SRPK2: variants seen among roughly 807,000 people sequenced by gnomAD.
The protein encoded by SRPK2 is SRSF protein kinase 2.
SRPK2 carries 21 observed loss-of-function variants against 90.8 expected under a neutral mutation model. The ratio of observed to expected loss-of-function variants is 0.23; its 90% CI spans 0.16 to 0.33. SRPK2 has a LOEUF of 0.33. Ranked by LOEUF, SRPK2 falls within the 10% of genes least tolerant of loss-of-function variation. The pLI, the probability that SRPK2 is intolerant of heterozygous loss-of-function variation, is 1.00. For missense variants in SRPK2, 620 were observed against 869.0 expected, an observed-to-expected ratio of 0.71 and a Z score of 3.60; for synonymous variants, 288 against 311.1, an observed-to-expected ratio of 0.93 and a Z score of 0.78.
chr7:105,258,487 G>C (rs1243357907), intron 2 of SRPK2, among the ~76,000 whole-genome samples: 2 of 151,372 alleles, frequency 1.3e-5, no homozygotes, highest in Admixed American at 1.3e-4. Flanking sequence ...AAACACCAAG[G>C]TGATACACAA....
At chr7:105,116,258 A>C (rs1799617305), downstream of SRPK2, 1 of 152,200 alleles carries the variant, frequency 6.6e-6, no homozygotes, top group Non-Finnish European at 1.5e-5. Context: ...GCCTCAATGC[A>C]TGTTCTACAA....
At chr7:105,207,104 G>A (rs1042169970) in intron 2 of SRPK2, among the ~76,000 whole-genome samples, 5 of 152,218 alleles carry the variant, frequency 3.3e-5, no homozygotes, top group African/African-American at 1.2e-4. Flanking sequence ...AAATAGAGAA[G>A]AGAAAGCCAA....
chr7:105,122,937 T>G (rs1370983646), intron 15 of SRPK2, among the ~76,000 whole-genome samples: 4 of 152,042 alleles, frequency 2.6e-5, no homozygotes, highest in Non-Finnish European at 5.9e-5. Flanking sequence ...ACGCAGCAAT[T>G]TTTACTAAAA....
rs118122915 is a variant in SRPK2 at position 105,354,584 on chromosome 7, C to T, written c.71+34064G>A. On this transcript the variant is annotated intron_variant, in intron 2 of 15. Transcript: ENST00000393651. ...ATGCATAGCAATGCAAGAGATCACA[C>T]CCTGTTTTATGCAACAGTTGGGTAC... Among the ~76,000 whole-genome samples the T allele has an allele frequency of 4.7e-3, 714 of 152,314 alleles. 11 individuals are homozygous for T. In the East Asian group the frequency reaches 0.055, roughly 12 times the overall value.
rs529088791 is a variant in SRPK2 at position 105,371,813 on chromosome 7, T to C, written c.71+16835A>G. 3.3e-5 allele frequency among the ~76,000 whole-genome samples: 5 copies of C among 152,132 alleles called. No homozygotes were observed. In the East Asian group the frequency reaches 9.7e-4, roughly 29 times the overall value. ...ACCATCTCCACAGCTTTGCTGTAAA[T>C]TTACAGTTCTAAAAACATAATTAAA... On this transcript the variant is annotated intron_variant, in intron 2 of 15. Transcript: ENST00000393651.
intron 2 of SRPK2, among the ~76,000 whole-genome samples, chr7:105,336,157 A>G (rs1691143431): frequency 6.6e-6 from 1 of 152,200 alleles, no homozygotes; most frequent in Non-Finnish European, 1.5e-5. Context: ...CCTACTGGTT[A>G]AATTCATATT....
At chr7:105,387,742 A>G (rs537008509) in intron 2 of SRPK2, among the ~76,000 whole-genome samples, 9 of 152,346 alleles carry the variant, frequency 5.9e-5, no homozygotes, top group African/African-American at 2.2e-4. Context: ...CAATTAATCT[A>G]GAGGAAGAGA....
Position 105,170,835 on chromosome 7 carries a change from GGAAGAAAGA to G in SRPK2, c.230-1579_230-1571del, listed in dbSNP as rs1563024873. On this transcript the variant is annotated intron_variant, in intron 3 of 15. Coordinates refer to ENST00000393651, the MANE Select transcript of SRPK2 (RefSeq NM_182692.3). ...AGAGAGGGAGAGAAAGAGAAAGAAA[GGAAGAAAGA>G]AAGAAAGAAAGAAAGAAAGAAAGAA... is the stretch of plus-strand genomic sequence containing the variant. Among the ~76,000 whole-genome samples, 148 of 98,942 alleles carry G rather than the reference GGAAGAAAGA, an allele frequency of 1.5e-3. 9 individuals carry two copies. The highest frequency in any genetic ancestry group is 5.8e-3 in the African/African-American group (137 of 23,766). The allele number at this position is 98,942 out of a possible 152,430, so 64.9% of individuals were successfully genotyped here.
chr7:105,288,752 C>T (rs576722332), intron 2 of SRPK2, among the ~76,000 whole-genome samples: 2 of 152,204 alleles, frequency 1.3e-5, no homozygotes, highest in South Asian at 4.1e-4. Context: ...AGGATAAAAA[C>T]TCCAAGTCTA....
At chr7:105,275,998 A>G (rs1806432566) in intron 2 of SRPK2, among the ~76,000 whole-genome samples, 1 of 152,196 alleles carries the variant, frequency 6.6e-6, no homozygotes, top group Non-Finnish European at 1.5e-5. Flanking sequence ...CAAATTTAAT[A>G]AACTTCCTTT....
chr7:105,209,081 G>A (rs1187073918), intron 2 of SRPK2, among the ~76,000 whole-genome samples: 1 of 152,188 alleles, frequency 6.6e-6, no homozygotes, highest in East Asian at 1.9e-4. Context: ...TCTATGTAGA[G>A]ATTTAAGCAA....
chr7:105,276,227 C>A (rs1482339670), intron 2 of SRPK2, among the ~76,000 whole-genome samples: 1 of 151,812 alleles, frequency 6.6e-6, no homozygotes, highest in Non-Finnish European at 1.5e-5. Context: ...ACTACAGATG[C>A]ACACCACTAT....
chr7:105,356,734 T>A (rs977780609), intron 2 of SRPK2, among the ~76,000 whole-genome samples: 1 of 152,184 alleles, frequency 6.6e-6, no homozygotes, highest in East Asian at 1.9e-4. Flanking sequence ...CTATTAGATA[T>A]ATTAAATACC....
chr7:105,143,242 A>G lies in SRPK2; in HGVS notation c.902T>C (p.Ile301Thr). 2 of 1,613,972 alleles carry G rather than the reference A, an allele frequency of 1.2e-6. No individual in the cohort carries two copies. The highest frequency in any genetic ancestry group is 2.2e-5 in the East Asian group (1 of 44,872). ...AELLEKRLQE[I>T]EELEREAERK... ...TTCAGCTTCTCGCTCCAATTCTTCT[A>G]TCTCCTGCAGGCGCTTCTCCAATAA... is the stretch of plus-strand genomic sequence containing the variant. Residue 301 changes from isoleucine (I) to threonine (T), a missense_variant, in exon 10 of 16, where the codon ATA becomes ACA. Physicochemically the swap from Ile to Thr is moderately conservative, Grantham distance 89. This residue lies in a region of SRPK2 where 196 missense variants were observed against 339.2 expected (regional missense o/e 0.58). Transcript: ENST00000393651.
intron 2 of SRPK2, among the ~76,000 whole-genome samples, chr7:105,359,326 T>G (rs1356336370): frequency 6.6e-6 from 1 of 151,564 alleles, no homozygotes; most frequent in East Asian, 1.9e-4. Context: ...GTCCAGCTAA[T>G]TTTTTTTATT....
At chr7:105,307,281 A>T (rs1459872842) in intron 2 of SRPK2, among the ~76,000 whole-genome samples, 1 of 152,226 alleles carries the variant, frequency 6.6e-6, no homozygotes, top group Admixed American at 6.5e-5. Flanking sequence ...GCTTTTCTTC[A>T]AGCAAGAAAG....
At chr7:105,359,150 C>CTTT (rs35765090) in intron 2 of SRPK2, among the ~76,000 whole-genome samples, 903 of 54,866 alleles carry the variant, frequency 0.016, 22 homozygotes, top group Non-Finnish European at 0.02. Flanking sequence ...CAAACCACAG[C>CTTT]TTTTTTTTTT....
At chr7:105,277,237 C>T (rs1008796955) in intron 2 of SRPK2, among the ~76,000 whole-genome samples, 2 of 152,004 alleles carry the variant, frequency 1.3e-5, no homozygotes, top group Non-Finnish European at 2.9e-5. Context: ...CTACCACGTC[C>T]GGCTAATTTT....
Position 105,376,534 on chromosome 7 carries a change from C to CT in SRPK2, c.71+12113dup, listed in dbSNP as rs376600508. ...ACTAGCTCCTTGCCATCCTTTTTTT[C>CT]TTTTTTTTTTTTGGTGAGGGGAGGG... On this transcript the variant is annotated intron_variant, in intron 2 of 15. Transcript: ENST00000393651. Among the ~76,000 whole-genome samples the CT allele has an allele frequency of 8.3e-3, 1,176 of 142,320 alleles. 14 individuals carry two copies. Among genetic ancestry groups the CT allele is most frequent in the East Asian group, 0.056 (274 of 4,916 alleles). 93.4% of individuals were successfully genotyped at this position (142,320 alleles called of 152,430 possible).
Sources: gnomAD v4.1 joint callset for allele counts (sites outside exome capture counted in the v4.1 genomes callset) on GRCh38, gnomAD v4.1.1 for gene constraint, gnomAD v4.1.1 regional missense constraint, MANE v1.5 for transcripts, NCBI Gene and HGNC (gene_info 2026-07-23, HGNC 2026-07-21) for gene names.